Variants in PSMC6 observed in about 807,000 individuals in gnomAD.
PSMC6 encodes 26S proteasome regulatory subunit 10B.
PSMC6 carries 3 observed loss-of-function variants against 55.9 expected under a neutral mutation model. The observed-to-expected ratio is 0.05, with a 90% confidence interval of 0.02 to 0.14. The LOEUF is 0.14. Ranked by LOEUF, PSMC6 falls within the 10% of genes least tolerant of loss-of-function variation. The pLI, the probability that PSMC6 is intolerant of heterozygous loss-of-function variation, is 1.00. For synonymous variants in PSMC6, 137 were observed against 155.9 expected, an observed-to-expected ratio of 0.88 and a Z score of 0.90; for missense variants, 210 against 478.7, an observed-to-expected ratio of 0.44 and a Z score of 5.24.
chr14:52,709,092 T>G (rs949009254), intron 4 of PSMC6: 4 of 275,550 alleles, frequency 1.5e-5, no homozygotes, highest in African/African-American at 9.0e-5. Flanking sequence ...AACAGACATT[T>G]TATTTTAATG....
At chr14:52,712,754 C>T (rs2041787837) in intron 6 of PSMC6, among the ~76,000 whole-genome samples, 2 of 151,994 alleles carry the variant, frequency 1.3e-5, no homozygotes, top group African/African-American at 4.8e-5. Context: ...TCCCAAGTAG[C>T]TGAAGGCATG....
chr14:52,726,718 T>G (rs1880429006), intron 13 of PSMC6, among the ~76,000 whole-genome samples: 1 of 152,190 alleles, frequency 6.6e-6, no homozygotes, highest in Non-Finnish European at 1.5e-5. Flanking sequence ...CTTGGCTCAC[T>G]GCAACCTCTG....
chr14:52,717,190 C>T (rs1283456790), intron 7 of PSMC6, among the ~76,000 whole-genome samples: 2 of 152,036 alleles, frequency 1.3e-5, no homozygotes, highest in Non-Finnish European at 1.5e-5. Flanking sequence ...GTTGATTTGC[C>T]TGATTTAATC....
chr14:52,712,383 G>GT (rs1375943794), intron 6 of PSMC6, among the ~76,000 whole-genome samples: 1 of 42,092 alleles, frequency 2.4e-5, no homozygotes, highest in African/African-American at 9.3e-5. Context: ...TGGTCTAAGT[G>GT]TAAAAAAAAA....
At chr14:52,713,727 T>G (rs923746956) in intron 6 of PSMC6, among the ~76,000 whole-genome samples, 154 bp from the exon 7 acceptor site, 1 of 152,188 alleles carries the variant, frequency 6.6e-6, no homozygotes, top group Non-Finnish European at 1.5e-5. Flanking sequence ...GAGCAAAACC[T>G]CTTAATATAA....
At chr14:52,708,586 T>G in intron 3 of PSMC6, 64 bp downstream of exon 3, 1 of 1,561,824 alleles carries the variant, frequency 6.4e-7, no homozygotes. Context: ...ACTTTTGAAA[T>G]GCTTATTATT....
At chr14:52,708,659 A>T in intron 3 of PSMC6, 105 bp from the exon 4 acceptor site, 2 of 1,554,802 alleles carry the variant, frequency 1.3e-6, no homozygotes, top group East Asian at 2.3e-5. Context: ...CCTTCAACTA[A>T]TGTCTCCTTG....
chr14:52,715,160 A>G (rs550028260), intron 7 of PSMC6, among the ~76,000 whole-genome samples: 1 of 152,222 alleles, frequency 6.6e-6, no homozygotes, highest in South Asian at 2.1e-4. Context: ...TTTCACTATA[A>G]AGTCCTTGGT....
chr14:52,726,842 A>G (rs894226434), intron 13 of PSMC6, among the ~76,000 whole-genome samples: 2 of 151,894 alleles, frequency 1.3e-5, no homozygotes, highest in African/African-American at 4.8e-5. Context: ...GGGTTTTACC[A>G]TGTTGGCTAG....
rs567780881 is a variant in PSMC6, at chr14:52,725,118, T to C, written c.1051+1082T>C. Among the ~76,000 whole-genome samples the C allele has an allele frequency of 1.1e-4, 17 of 152,344 alleles. No individual in the cohort carries two copies. In the South Asian group the frequency reaches 3.5e-3, roughly 32 times the overall value. ...AACTAAACTATTTAGAGGTAAACTG[T>C]CATATAGCTTGAACAAGTTAGAGTA... On this transcript the variant is annotated intron_variant, in intron 13 of 13. Coordinates refer to ENST00000445930, the MANE Select transcript of PSMC6 (RefSeq NM_002806.5).
rs1594857372 is a variant in PSMC6, at chr14:52,728,580, A to G, written c.*963A>G. The G allele has an allele frequency of 1.3e-5, 2 of 152,238 alleles. No individual in the cohort carries two copies. Among genetic ancestry groups the G allele is most frequent in the African/African-American group, 2.4e-5 (1 of 41,470 alleles). 9.4% of individuals were successfully genotyped at this position (152,238 alleles called of 1,614,324 possible). ...CTTATATCATCTGGCAATAAAAGCT[A>G]TAACAAAGTACACAAAGGAATCATC... On this transcript the variant is annotated 3_prime_UTR_variant, in exon 14 of 14. Transcript: ENST00000445930.
At chr14:52,714,034 A>G (rs2041803401) in intron 7 of PSMC6, 66 bp downstream of exon 7, 5 of 1,087,796 alleles carry the variant, frequency 4.6e-6, no homozygotes, top group Non-Finnish European at 6.7e-6. Flanking sequence ...AAAAAAAAAG[A>G]CAATTTTTTT....
At chr14:52,715,456 C>G (rs966328149) in intron 7 of PSMC6, among the ~76,000 whole-genome samples, 1 of 151,982 alleles carries the variant, frequency 6.6e-6, no homozygotes, top group African/African-American at 2.4e-5. Flanking sequence ...GGTTATTTGG[C>G]GCACATTTTT....
intron 3 of PSMC6, 114 bp downstream of exon 3, chr14:52,708,636 A>G: frequency 6.5e-7 from 1 of 1,527,430 alleles, no homozygotes; most frequent in Non-Finnish European, 8.9e-7. Context: ...ATTTTTGAAT[A>G]GACTTAAGTT....
At chr14:52,708,433 T>C (rs774187582) in intron 2 of PSMC6, 45 bp downstream of exon 2, 1 of 1,613,218 alleles carries the variant, frequency 6.2e-7, no homozygotes, top group Non-Finnish European at 8.5e-7. Context: ...GTAATTTGCT[T>C]TTTTATTTAG....
intron 1 of PSMC6, 61 bp downstream of exon 1, chr14:52,707,365 G>C (rs779113940): frequency 6.2e-7 from 1 of 1,602,124 alleles, no homozygotes; most frequent in Non-Finnish European, 8.5e-7. Flanking sequence ...CTCTGACAAA[G>C]CAGAAGCCTT....
chr14:52,708,485 C>T lies in PSMC6; in HGVS notation c.168C>T (p.Ile56=), dbSNP rs2041729411. 6.2e-7 allele frequency: 1 copy of T among 1,613,644 alleles called. No homozygotes were observed. The stretch of plus-strand genomic sequence containing the variant: ...ATGCTTTTTATTTTCTTCCTTAGAT[C>T]GTGGGTGAAGTGCTTAAACAGTTAA... ...DLKALQSVGQ[I]VGEVLKQLTE... is the part of the protein sequence containing the mutation. Residue 56 remains isoleucine (I), a splice_region_variant and synonymous_variant, in exon 3 of 14, where the codon ATC becomes ATT. Coordinates refer to ENST00000445930, the MANE Select transcript of PSMC6 (RefSeq NM_002806.5).
At chr14:52,712,411 A>G (rs532409688) in intron 6 of PSMC6, among the ~76,000 whole-genome samples, 2 of 145,566 alleles carry the variant, frequency 1.4e-5, no homozygotes, top group South Asian at 4.4e-4. Flanking sequence ...TCTCACCTGT[A>G]TTAATGAAAG....
intron 9 of PSMC6, 125 bp downstream of exon 9, chr14:52,718,477 T>C (rs933708730): frequency 3.8e-6 from 4 of 1,064,158 alleles, no homozygotes; most frequent in Admixed American, 2.8e-5. Context: ...CAGATGTTAG[T>C]TTAACCAATT....
Sources: allele counts gnomAD v4.1 joint callset (sites outside exome capture counted in the v4.1 genomes callset), GRCh38; gene constraint gnomAD v4.1.1; transcripts MANE v1.5; gene names NCBI Gene and HGNC (gene_info 2026-07-23, HGNC 2026-07-21).